Variants in EML1 observed in about 807,000 individuals in gnomAD.
The protein encoded by EML1 is EMAP like 1.
In EML1, 27 loss-of-function variants were observed where a neutral mutation model predicts 110.4. The observed-to-expected ratio is 0.24, with a 90% CI of 0.18 to 0.34. The LOEUF is 0.34. EML1 is among the 10% of genes least tolerant of loss of function. The pLI is 1.00. For missense variants in EML1, 741 were observed against 1,030.9 expected (o/e 0.72, Z 3.85); for synonymous variants, 344 against 385.8 (o/e 0.89, Z 1.27).
chr14:99,760,324 A>G (rs1422723084), intron 1 of EML1, among the ~76,000 whole-genome samples: 1 of 152,048 alleles, frequency 6.6e-6, no homozygotes, highest in Non-Finnish European at 1.5e-5. Flanking sequence ...AAGTTGCCCT[A>G]TCAAGTCATT....
chr14:99,902,628 T>C (rs1410293208), intron 9 of EML1, among the ~76,000 whole-genome samples: 1 of 152,246 alleles, frequency 6.6e-6, no homozygotes, highest in African/African-American at 2.4e-5. Flanking sequence ...GCAAGAATAA[T>C]TATTTTTCAC....
chr14:99,875,157 TG>T (rs969805361), intron 3 of EML1, among the ~76,000 whole-genome samples: 10 of 152,342 alleles, frequency 6.6e-5, no homozygotes, highest in African/African-American at 2.4e-4. Context: ...GATGCTCAAC[TG>T]GTCCTCCAAA....
chr14:99,822,467 T>G (rs1328509359), intron 1 of EML1, among the ~76,000 whole-genome samples: 5 of 152,208 alleles, frequency 3.3e-5, no homozygotes, highest in African/African-American at 1.2e-4. Flanking sequence ...TAAAAATCAT[T>G]ATTGTTCTCA....
At chr14:99,864,905 C>G (rs1270314403) in intron 2 of EML1, among the ~76,000 whole-genome samples, 1 of 151,818 alleles carries the variant, frequency 6.6e-6, no homozygotes, top group African/African-American at 2.4e-5. Context: ...TGTCCTTTTC[C>G]TTTCTACTTA....
At chr14:99,746,456 C>G (rs1320685240) in intron 1 of EML1, among the ~76,000 whole-genome samples, 1 of 152,172 alleles carries the variant, frequency 6.6e-6, no homozygotes, top group East Asian at 1.9e-4. Flanking sequence ...GGCGGAAGCA[C>G]TAGCTTCAGG....
At chr14:99,818,551 G>A (rs1566880839) in intron 1 of EML1, among the ~76,000 whole-genome samples, 1 of 152,198 alleles carries the variant, frequency 6.6e-6, no homozygotes, top group Non-Finnish European at 1.5e-5. Flanking sequence ...AAGAGGATTA[G>A]AGGCAAGATG....
chr14:99,865,065 A>G (rs2059072328), intron 2 of EML1, among the ~76,000 whole-genome samples: 1 of 152,070 alleles, frequency 6.6e-6, no homozygotes. Flanking sequence ...CTTTCTTATT[A>G]TTTATTGTGT....
chr14:99,857,890 A>G lies in EML1; in HGVS notation c.250+6855A>G, dbSNP rs140455005. 2.4e-4 allele frequency among the ~76,000 whole-genome samples: 36 copies of G among 152,178 alleles called. No individual in the cohort carries two copies. The East Asian group carries it at 5.6e-3, about 24-fold the overall frequency. ...TGTCTTTTTCCCCATTTATATTTCT[A>G]TTATATTGAATTTTTAATGTTACAG... On this transcript the variant is annotated intron_variant, in intron 2 of 21. Transcript: ENST00000262233.
intron 1 of EML1, among the ~76,000 whole-genome samples, chr14:99,820,647 C>T (rs2058245922): frequency 6.6e-6 from 1 of 152,178 alleles, no homozygotes; most frequent in Admixed American, 6.5e-5. Flanking sequence ...GAATTCCTAA[C>T]CACAGCTTGT....
chr14:99,897,613 C>T (rs536668521), intron 7 of EML1, among the ~76,000 whole-genome samples: 5 of 152,290 alleles, frequency 3.3e-5, no homozygotes, highest in Non-Finnish European at 5.9e-5. Flanking sequence ...GCCTCACCAA[C>T]GCATGAGCTT....
intron 1 of EML1, chr14:99,838,952 T>C (rs1566891579): frequency 8.5e-6 from 1 of 117,774 alleles, no homozygotes; most frequent in Non-Finnish European, 2.0e-5. Context: ...TGCATGTTTG[T>C]AGTATTTAGT....
At chr14:99,741,710 G>A (rs1353457366) in intron 1 of EML1, among the ~76,000 whole-genome samples, 5 of 151,646 alleles carry the variant, frequency 3.3e-5, no homozygotes, top group African/African-American at 1.2e-4. Context: ...GCCACCCCCA[G>A]CTCTCACCTC....
chr14:99,809,885 G>GTGGACTTCCGTATTGGCTAA (rs1213288128), intron 1 of EML1, among the ~76,000 whole-genome samples: 1 of 152,178 alleles, frequency 6.6e-6, no homozygotes, highest in Non-Finnish European at 1.5e-5. Context: ...CTAATGTATG[G>GTGGACTTCCGTATTGGCTAA]TGTATGCCCT....
At chr14:99,753,281 C>T (rs1457324861) in intron 1 of EML1, among the ~76,000 whole-genome samples, 1 of 149,170 alleles carries the variant, frequency 6.7e-6, no homozygotes, top group South Asian at 2.1e-4. Context: ...CCATGGTTGG[C>T]GCTTCAGCTA....
intron 3 of EML1, among the ~76,000 whole-genome samples, chr14:99,877,388 C>G (rs1225619148): frequency 6.6e-6 from 1 of 152,144 alleles, no homozygotes; most frequent in African/African-American, 2.4e-5. Flanking sequence ...GAACAATCAG[C>G]CTCCACTCCA....
At position 99,938,514 on chromosome 14, in the gene EML1, G is replaced by A. The variant is rs575474000; in HGVS notation, c.2191+602G>A. The stretch of plus-strand genomic sequence containing the variant: ...GCATCCAGCCCTCTCCTAGCCACAG[G>A]TATTGTTGAAAGGGTTTCCCCGACA... On this transcript the variant is annotated intron_variant, in intron 20 of 21. Coordinates refer to ENST00000262233, the MANE Select transcript of EML1 (RefSeq NM_004434.3). Among the ~76,000 whole-genome samples the A allele has an allele frequency of 1.1e-4, 16 of 152,312 alleles. No homozygotes were observed. The East Asian group carries it at 3.1e-3, about 29-fold the overall frequency.
intron 2 of EML1, among the ~76,000 whole-genome samples, chr14:99,857,041 G>A (rs138239035): frequency 0.012 from 1,793 of 152,280 alleles, 42 homozygotes; most frequent in African/African-American, 0.041. Context: ...GGAGGCTGAG[G>A]CAGGTGGATC....
At chr14:99,788,795 G>A (rs1376693554), upstream of EML1, among the ~76,000 whole-genome samples, 2 of 152,060 alleles carry the variant, frequency 1.3e-5, no homozygotes, top group African/African-American at 2.4e-5. Flanking sequence ...GAAACTTTGC[G>A]CCCATTAAGC....
intron 1 of EML1, among the ~76,000 whole-genome samples, chr14:99,762,080 G>T (rs1225483317): frequency 6.6e-6 from 1 of 152,152 alleles, no homozygotes; most frequent in Non-Finnish European, 1.5e-5. Flanking sequence ...CTCAGTGGCT[G>T]AACAGACGTG....
Sources: allele counts gnomAD v4.1 joint callset (sites outside exome capture counted in the v4.1 genomes callset), GRCh38; gene constraint gnomAD v4.1.1; transcripts MANE v1.5; gene names NCBI Gene and HGNC (gene_info 2026-07-23, HGNC 2026-07-21).